The following ZNF25 variants were observed in gnomAD, a reference collection of about 807,000 sequenced individuals.
ZNF25 encodes zinc finger protein 25 (KOX 19).
Under a neutral mutation model 30.9 loss-of-function variants are expected in ZNF25, and 21 were observed. That is an observed-to-expected ratio of 0.68 (90% confidence interval 0.48 to 0.98). The LOEUF (loss-of-function observed/expected upper bound fraction) is 0.98, where lower values mean the gene tolerates loss of function less well. ZNF25 is among the 50% of genes least tolerant of loss of function. The pLI is 0.00. For synonymous variants in ZNF25, 169 were observed against 181.3 expected, an observed-to-expected ratio of 0.93 and a Z score of 0.55; for missense variants, 501 against 529.9, an observed-to-expected ratio of 0.95 and a Z score of 0.54.
At chr10:37,969,064 A>C (rs1037217489) in intron 2 of ZNF25, among the ~76,000 whole-genome samples, 2 of 152,198 alleles carry the variant, frequency 1.3e-5, no homozygotes, top group African/African-American at 4.8e-5. Context: ...AATGCAATGC[A>C]AAACCGCAAC....
At position 37,949,579 on chromosome 10, in the gene ZNF25, A is replaced by G. The variant is rs2062041248; in HGVS notation, c.*2548T>C. 1 of 152,152 alleles carries G rather than the reference A, an allele frequency of 6.6e-6. No homozygotes were observed. Among genetic ancestry groups the G allele is most frequent in the African/African-American group, 2.4e-5 (1 of 41,432 alleles). The allele number at this position is 152,152 out of a possible 1,614,324, so 9.4% of individuals were successfully genotyped here. A position where few individuals can be genotyped will look rare whatever the true frequency, so the allele number is the denominator to read the frequency against. On this transcript the variant is annotated 3_prime_UTR_variant, in exon 6 of 6. Transcript: ENST00000302609. ...TACAAAAAGAAGCTGAACATCAATG[A>G]AAGTCTTTATTAGGAAGGGGAAGTA... is the stretch of plus-strand genomic sequence containing the variant.
intron 2 of ZNF25, among the ~76,000 whole-genome samples, chr10:37,961,902 C>A (rs1292366076): frequency 1.4e-5 from 1 of 69,348 alleles, no homozygotes; most frequent in Non-Finnish European, 2.6e-5. Flanking sequence ...GCCTGAGCAA[C>A]AAAGATTGAA....
chr10:37,950,139 A>C lies in ZNF25; in HGVS notation c.*1988T>G, dbSNP rs1406827091. ...TTTTATTTTCAGCTCTAAGTAACAG[A>C]AAAACTTACTTTGTAAAGTGCTAGA... is the stretch of plus-strand genomic sequence containing the variant. On this transcript the variant is annotated 3_prime_UTR_variant, in exon 6 of 6. Transcript: ENST00000302609. The C allele has an allele frequency of 6.6e-6, 1 of 152,636 alleles. No homozygotes were observed. Among genetic ancestry groups the C allele is most frequent in the Admixed American group, 6.5e-5 (1 of 15,282 alleles). 9.5% of individuals were successfully genotyped at this position (152,636 alleles called of 1,614,324 possible).
At chr10:37,953,343 T>G (rs2062298947) in intron 5 of ZNF25, 148 bp from the exon 6 acceptor site, 1 of 737,254 alleles carries the variant, frequency 1.4e-6, no homozygotes, top group African/African-American at 1.8e-5. Flanking sequence ...GTTTCTCCAC[T>G]GTGAGCATTC....
At position 37,953,125 on chromosome 10, in the gene ZNF25, T is replaced by A. The variant is rs758146749; in HGVS notation, c.373A>T (p.Lys125Ter). 6.2e-7 allele frequency: 1 copy of A among 1,611,898 alleles called. No homozygotes were observed. Among genetic ancestry groups the A allele is most frequent in the Non-Finnish European group, 8.5e-7 (1 of 1,179,514 alleles). Residue 125 changes from lysine to a stop codon, truncating the protein, a stop_gained, in exon 6 of 6, where the codon AAG (lysine) becomes TAG (stop). Transcript: ENST00000302609. LOFTEE classifies it high-confidence loss of function. The stretch of plus-strand genomic sequence containing the variant: ...AGGGCAGACTTCTGGCAGAAGAACT[T>A]CCCACATTCCTTACATTCACAGGCT... ...EKACECKECG[K>*]FFCQKSALIV...
intron 2 of ZNF25, among the ~76,000 whole-genome samples, chr10:37,961,870 G>A (rs1398068658): frequency 1.4e-5 from 2 of 140,078 alleles, no homozygotes; most frequent in Non-Finnish European, 3.0e-5. Flanking sequence ...GTGGTGAGCC[G>A]AGATCATGGC....
At chr10:37,965,202 A>G (rs2063114012) in intron 2 of ZNF25, among the ~76,000 whole-genome samples, 2 of 152,284 alleles carry the variant, frequency 1.3e-5, no homozygotes, top group Admixed American at 6.5e-5. Flanking sequence ...GAAGTCTGCC[A>G]CAGAGATGGA....
chr10:37,975,808 A>G (rs997634222), intron 1 of ZNF25, among the ~76,000 whole-genome samples: 4 of 152,186 alleles, frequency 2.6e-5, no homozygotes, highest in African/African-American at 7.2e-5. Context: ...CCACACAGCT[A>G]CGTTCTGGTG....
At chr10:37,970,015 G>A (rs1052490992) in intron 2 of ZNF25, among the ~76,000 whole-genome samples, 1 of 152,192 alleles carries the variant, frequency 6.6e-6, no homozygotes, top group Non-Finnish European at 1.5e-5. Context: ...GCACCAGTTT[G>A]TATCAGCTCA....
chr10:37,975,282 G>T (rs897157519), intron 1 of ZNF25, among the ~76,000 whole-genome samples: 2 of 151,918 alleles, frequency 1.3e-5, no homozygotes, highest in Non-Finnish European at 2.9e-5. Flanking sequence ...ACAAAGAAAT[G>T]ATAAATGAGG....
rs1193549737 is a variant in ZNF25 at position 37,952,717 on chromosome 10, T to C, written c.781A>G (p.Lys261Glu). 3 of 1,613,728 alleles carry C rather than the reference T, an allele frequency of 1.9e-6. No homozygotes were observed. Among genetic ancestry groups the C allele is most frequent in the Non-Finnish European group, 2.5e-6 (3 of 1,179,884 alleles). ...THTGEKPYEC[K>E]ECGKAFSQKS... is the part of the protein sequence containing the mutation. ...TGGGAAAAGGCTTTCCCACACTCCT[T>C]ACACTCATAGGGTTTCTCCCCTGTG... The change falls in exon 6 of 6, where the codon AAG becomes GAG. Residue 261 changes from lysine to glutamate, a missense_variant. Lys to Glu is a moderately conservative substitution (Grantham distance 56). Transcript: ENST00000302609.
intron 4 of ZNF25, among the ~76,000 whole-genome samples, chr10:37,956,439 T>G (rs1048074321): frequency 2.6e-5 from 4 of 152,068 alleles, no homozygotes; most frequent in African/African-American, 7.2e-5. Flanking sequence ...AAAGACAAAG[T>G]CTTACAAGGG....
intron 2 of ZNF25, among the ~76,000 whole-genome samples, chr10:37,963,904 G>A (rs1209832122): frequency 6.6e-6 from 1 of 152,186 alleles, no homozygotes; most frequent in African/African-American, 2.4e-5. Flanking sequence ...CAACCTGGGA[G>A]GCAGAGGTTG....
rs570967812 is a variant in ZNF25 at position 37,951,888 on chromosome 10, C to T, written c.*239G>A. ...TCTGAAAGGTTTCCTTCCTGTTTTACAATTTGCATGACTTCTGCCATCTAT... is the reference window on the plus strand; with the variant it reads ...TCTGAAAGGTTTCCTTCCTGTTTTATAATTTGCATGACTTCTGCCATCTAT... On this transcript the variant is annotated 3_prime_UTR_variant, in exon 6 of 6. Coordinates refer to ENST00000302609, the MANE Select transcript of ZNF25 (RefSeq NM_145011.4). 31 of 389,188 alleles carry T rather than the reference C, an allele frequency of 8.0e-5. No individual in the cohort carries two copies. The highest frequency in any genetic ancestry group is 6.4e-4 in the African/African-American group (31 of 48,318). 24.1% of individuals were successfully genotyped at this position (389,188 alleles called of 1,614,324 possible).
chr10:37,964,436 G>C (rs2063071623), intron 2 of ZNF25, among the ~76,000 whole-genome samples: 1 of 152,228 alleles, frequency 6.6e-6, no homozygotes. Flanking sequence ...GACATGGACA[G>C]TGAAGGCTAA....
At position 37,962,289 on chromosome 10, in the gene ZNF25, C is replaced by T. The variant is rs143079635; in HGVS notation, c.16-4743G>A. Among the ~76,000 whole-genome samples the T allele has an allele frequency of 3.4e-4, 51 of 151,260 alleles. No individual in the cohort carries two copies. In the South Asian group the frequency reaches 9.4e-3, roughly 28 times the overall value. ...GATATATAAGAATAAGAACTTAATTCTCATATAGCCTTAACAGGAAACTAG... is the reference window on the plus strand; with the variant it reads ...GATATATAAGAATAAGAACTTAATTTTCATATAGCCTTAACAGGAAACTAG... On this transcript the variant is annotated intron_variant, in intron 2 of 5. Coordinates refer to ENST00000302609, the MANE Select transcript of ZNF25 (RefSeq NM_145011.4).
intron 2 of ZNF25, among the ~76,000 whole-genome samples, chr10:37,958,431 G>T (rs7069702): frequency 0.53 from 79,916 of 151,916 alleles, 21,339 homozygotes; most frequent in South Asian, 0.71. Flanking sequence ...TATACCATAG[G>T]TTGGTAGGTA....
At chr10:37,962,785 T>C (rs958348799) in intron 2 of ZNF25, among the ~76,000 whole-genome samples, 2 of 152,180 alleles carry the variant, frequency 1.3e-5, no homozygotes, top group African/African-American at 4.8e-5. Context: ...AACCAGTCTA[T>C]ATGCATAAAT....
At position 37,952,929 on chromosome 10, in the gene ZNF25, C is replaced by T; in HGVS notation, c.569G>A (p.Ser190Asn). 2 of 1,614,182 alleles carry T rather than the reference C, an allele frequency of 1.2e-6. No homozygotes were observed. Among genetic ancestry groups the T allele is most frequent in the South Asian group, 2.2e-5 (2 of 91,088 alleles). ...TCCTGCATGGGTTCTCAGATGTCTACTGAGAGATGATAGGTGGTAAAATAT... is the reference window on the plus strand; with the variant it reads ...TCCTGCATGGGTTCTCAGATGTCTATTGAGAGATGATAGGTGGTAAAATAT... ...KKIFYHLSSL[S>N]RHLRTHAGEK... Residue 190 changes from serine (S) to asparagine (N), a missense_variant, in exon 6 of 6, where the codon AGT (serine) becomes AAT (asparagine). Physicochemically the swap from Ser to Asn is conservative, Grantham distance 46. Coordinates refer to ENST00000302609, the MANE Select transcript of ZNF25 (RefSeq NM_145011.4).
Sources: allele counts gnomAD v4.1 joint callset (sites outside exome capture counted in the v4.1 genomes callset), GRCh38; gene constraint gnomAD v4.1.1; transcripts MANE v1.5; gene names NCBI Gene and HGNC (gene_info 2026-07-23, HGNC 2026-07-21).